The following UXS1 variants were observed in gnomAD, a reference collection of about 807,000 sequenced individuals.
The protein encoded by UXS1 is UDP-glucuronic acid decarboxylase 1.
A neutral mutation model predicts 62.6 loss-of-function variants in UXS1; 33 were observed. That is an observed-to-expected ratio of 0.53 (90% CI 0.40 to 0.70). The LOEUF (loss-of-function observed/expected upper bound fraction) is 0.70. UXS1 is among the 30% of genes least tolerant of loss of function. UXS1 has a pLI of 0.00. For missense variants in UXS1, 434 were observed against 556.3 expected, an observed-to-expected ratio of 0.78 and a Z score of 2.21; for synonymous variants, 213 against 206.8, an observed-to-expected ratio of 1.03 and a Z score of -0.26.
chr2:106,100,964 A>T (rs1030382949), intron 12 of UXS1, 94 bp downstream of exon 12: 2 of 1,462,666 alleles, frequency 1.4e-6, no homozygotes, highest in African/African-American at 1.4e-5. Context: ...AAGTGTGCCG[A>T]TGGCAAATGA....
chr2:106,104,896 T>C, intron 10 of UXS1, 59 bp from the exon 11 acceptor site: 1 of 1,605,442 alleles, frequency 6.2e-7, no homozygotes, highest in Non-Finnish European at 8.5e-7. Context: ...TGCGTAGGTG[T>C]CCTTGAAACT....
chr2:106,175,115 G>A (rs1299075716), intron 1 of UXS1, among the ~76,000 whole-genome samples: 1 of 152,220 alleles, frequency 6.6e-6, no homozygotes, highest in African/African-American at 2.4e-5. Flanking sequence ...CCCATTTCAG[G>A]AGAATGAATA....
chr2:106,095,731 C>T (rs1443489913), intron 14 of UXS1, among the ~76,000 whole-genome samples: 1 of 152,274 alleles, frequency 6.6e-6, no homozygotes, highest in Admixed American at 6.5e-5. Flanking sequence ...GAGGGAACAG[C>T]CAGGCAGAGG....
chr2:106,163,329 G>GTAC (rs3884131), intron 4 of UXS1, among the ~76,000 whole-genome samples: 149,322 of 152,260 alleles, frequency 0.98, 73,273 homozygotes, highest in East Asian at 1. Flanking sequence ...TTTGCATATG[G>GTAC]TACATTTCAG....
intron 12 of UXS1, among the ~76,000 whole-genome samples, chr2:106,099,916 G>A (rs756314612): frequency 5.3e-5 from 8 of 152,184 alleles, no homozygotes; most frequent in South Asian, 2.1e-4. Flanking sequence ...TCTTTCCTAC[G>A]TGATGAGAAT....
chr2:106,164,687 T>C (rs762071311), intron 3 of UXS1, 49 bp downstream of exon 3: 7 of 1,376,726 alleles, frequency 5.1e-6, no homozygotes, highest in South Asian at 1.3e-5. Flanking sequence ...GGAAGTAAAA[T>C]TGACAAGTAT....
Position 106,094,155 on chromosome 2 carries a change from G to A in UXS1, c.1149C>T (p.Val383=), listed in dbSNP as rs1676884220. ...AKLMLGWEPV[V]PLEEGLNKAI... ...CTTTGTTTAAACCTTCCTCCAGCGG[G>A]ACCTGTTTAAAGGGAAAGCAAGAAA... Residue 383 remains valine, a splice_region_variant and synonymous_variant, in exon 15 of 15, where the codon GTC becomes GTT. Coordinates refer to ENST00000283148, the MANE Select transcript of UXS1 (RefSeq NM_001253875.2). 6.2e-7 allele frequency: 1 copy of A among 1,609,040 alleles called. No individual in the cohort carries two copies. The highest frequency in any genetic ancestry group is 8.5e-7 in the Non-Finnish European group (1 of 1,179,026).
At chr2:106,126,850 T>C (rs539663249) in intron 7 of UXS1, among the ~76,000 whole-genome samples, 14 of 152,146 alleles carry the variant, frequency 9.2e-5, no homozygotes, top group Non-Finnish European at 1.9e-4. Flanking sequence ...ATAAAAGTGA[T>C]AGAGCATTTC....
intron 1 of UXS1, among the ~76,000 whole-genome samples, chr2:106,179,389 C>G (rs1684102055): frequency 6.6e-6 from 1 of 152,186 alleles, no homozygotes; most frequent in Non-Finnish European, 1.5e-5. Context: ...GGCCTCACCC[C>G]CTCTCAGATG....
intron 6 of UXS1, 149 bp from the exon 7 acceptor site, chr2:106,129,927 G>T (rs1187445260): frequency 4.5e-5 from 25 of 553,130 alleles, no homozygotes; most frequent in Non-Finnish European, 6.5e-5. Flanking sequence ...ATTTACATTT[G>T]TAATTAGGAA....
intron 9 of UXS1, among the ~76,000 whole-genome samples, chr2:106,119,124 C>A (rs941934048): frequency 2.0e-5 from 3 of 152,242 alleles, no homozygotes; most frequent in Non-Finnish European, 4.4e-5. Context: ...GCTCCTGTTG[C>A]TGAATCTCCC....
intron 13 of UXS1, chr2:106,097,413 G>T: frequency 5.7e-6 from 2 of 350,088 alleles, no homozygotes; most frequent in Non-Finnish European, 1.1e-5. Flanking sequence ...CAGACCTGCA[G>T]AAGAAAGCCT....
At chr2:106,113,680 T>C (rs186958079) in intron 9 of UXS1, among the ~76,000 whole-genome samples, 40 of 152,382 alleles carry the variant, frequency 2.6e-4, no homozygotes, top group African/African-American at 9.1e-4. Flanking sequence ...ACGTATCTAA[T>C]GTTTGATCCA....
At chr2:106,131,221 G>A (rs533878061) in intron 6 of UXS1, among the ~76,000 whole-genome samples, 32,080 of 148,766 alleles carry the variant, frequency 0.22, 3,854 homozygotes, top group Non-Finnish European at 0.28. Context: ...GGCGCACCAC[G>A]AGACTATATC....
intron 6 of UXS1, among the ~76,000 whole-genome samples, chr2:106,137,866 C>T (rs1401249526): frequency 2.0e-5 from 3 of 151,994 alleles, no homozygotes; most frequent in Admixed American, 6.6e-5. Context: ...CCTTCAGAGC[C>T]GAGTACGACA....
At chr2:106,111,266 AAGG>A (rs989815986) in intron 10 of UXS1, among the ~76,000 whole-genome samples, 3 of 152,122 alleles carry the variant, frequency 2.0e-5, no homozygotes, top group African/African-American at 4.8e-5. Context: ...GCAGTGAAGG[AAGG>A]AGAAGAGCCA....
chr2:106,162,120 CGCGGATCA>C lies in UXS1; in HGVS notation c.230+1539_230+1546del, dbSNP rs1682937210. ...ACCTTCTGACACAGTAATGCAGGCA[CGCGGATCA>C]CCTGACTTGCTGACCAACCTGAAGG... On this transcript the variant is annotated intron_variant, in intron 4 of 14. Transcript: ENST00000283148. 2.6e-5 allele frequency among the ~76,000 whole-genome samples: 4 copies of C among 152,232 alleles called. No homozygotes were observed. In the South Asian group the frequency reaches 8.3e-4, roughly 32 times the overall value.
intron 9 of UXS1, among the ~76,000 whole-genome samples, chr2:106,112,982 G>A (rs566488983): frequency 6.6e-6 from 1 of 152,278 alleles, no homozygotes; most frequent in East Asian, 1.9e-4. Flanking sequence ...AGCTGTCCCA[G>A]ATCTCGCCAC....
At chr2:106,149,548 G>C (rs575164863) in intron 5 of UXS1, among the ~76,000 whole-genome samples, 31 of 152,216 alleles carry the variant, frequency 2.0e-4, no homozygotes, top group African/African-American at 7.0e-4. Context: ...CATCCACTAC[G>C]TGATGACATA....
Sources: gnomAD v4.1 joint callset for allele counts (sites outside exome capture counted in the v4.1 genomes callset) on GRCh38, gnomAD v4.1.1 for gene constraint, MANE v1.5 for transcripts, NCBI Gene and HGNC (gene_info 2026-07-23, HGNC 2026-07-21) for gene names.